Variants in EBF3 observed in about 807,000 individuals in gnomAD.
The protein encoded by EBF3 is transcription factor COE3.
In EBF3, 18 loss-of-function variants were observed where a neutral mutation model predicts 77.1. The ratio of observed to expected loss-of-function variants is 0.23; its 90% CI spans 0.16 to 0.35. EBF3 has a LOEUF of 0.35. EBF3 is among the 10% of genes least tolerant of loss of function. EBF3 has a pLI of 1.00. For missense variants in EBF3, 558 were observed against 860.0 expected, an observed-to-expected ratio of 0.65 and a Z score of 4.39; for synonymous variants, 350 against 343.5, an observed-to-expected ratio of 1.02 and a Z score of -0.21.
At position 129,947,929 on chromosome 10, in the gene EBF3, T is replaced by C. The variant is rs1482057080; in HGVS notation, c.554+9329A>G. Among the ~76,000 whole-genome samples, 1 of 151,974 alleles carries C rather than the reference T, an allele frequency of 6.6e-6. No homozygotes were observed. The highest frequency in any genetic ancestry group is 1.5e-5 in the Non-Finnish European group (1 of 68,022). On this transcript the variant is annotated intron_variant, in intron 6 of 16. Coordinates refer to ENST00000440978, the MANE Select transcript of EBF3 (RefSeq NM_001375380.1). The surrounding 1 kb of genome is among the most constrained non-coding windows in gnomAD (Gnocchi z 4.5). ...TGAGCTAAAAAGTCACAAGAAGACATGCAGGAAACTTAAATGCCTACTGCT... is the reference window on the plus strand; with the variant it reads ...TGAGCTAAAAAGTCACAAGAAGACACGCAGGAAACTTAAATGCCTACTGCT...
chr10:129,869,813 G>T (rs527510243), intron 8 of EBF3, among the ~76,000 whole-genome samples: 5 of 152,290 alleles, frequency 3.3e-5, no homozygotes, highest in African/African-American at 1.2e-4. Flanking sequence ...CCCTTAACTA[G>T]CGCTGTTGAC....
chr10:129,917,512 G>T (rs1855960010), intron 6 of EBF3, among the ~76,000 whole-genome samples: 1 of 151,752 alleles, frequency 6.6e-6, no homozygotes, highest in African/African-American at 2.4e-5. Context: ...AGACAAGAAA[G>T]CCAGACACAA....
At chr10:129,946,196 C>T (rs893346974) in intron 6 of EBF3, among the ~76,000 whole-genome samples, 1 of 152,224 alleles carries the variant, frequency 6.6e-6, no homozygotes, top group Non-Finnish European at 1.5e-5. Context: ...CCTGGCCTCG[C>T]GCGGACCCGC....
intron 6 of EBF3, among the ~76,000 whole-genome samples, chr10:129,911,544 G>A (rs1855524782): frequency 6.6e-6 from 1 of 152,112 alleles, no homozygotes; most frequent in African/African-American, 2.4e-5. Flanking sequence ...TTGGAATAGT[G>A]TCCAAAAGGC....
chr10:129,839,859 C>T (rs553753603), intron 15 of EBF3, among the ~76,000 whole-genome samples: 263 of 152,308 alleles, frequency 1.7e-3, no homozygotes, highest in African/African-American at 5.7e-3. Context: ...CAGCATCCTG[C>T]GCTGAGAAGT....
intron 6 of EBF3, among the ~76,000 whole-genome samples, chr10:129,925,274 A>C (rs1856592337): frequency 2.1e-5 from 3 of 146,000 alleles, no homozygotes; most frequent in Admixed American, 6.8e-5. Flanking sequence ...TGCAAGGAGA[A>C]TGGGGTGGGG....
intron 6 of EBF3, among the ~76,000 whole-genome samples, chr10:129,915,955 G>A (rs556255830): frequency 6.6e-6 from 1 of 152,090 alleles, no homozygotes; most frequent in Non-Finnish European, 1.5e-5. Flanking sequence ...GCTTCTAGTT[G>A]AGAAATCAGA....
At chr10:129,926,551 GA>G (rs1007748171) in intron 6 of EBF3, among the ~76,000 whole-genome samples, 1 of 150,580 alleles carries the variant, frequency 6.6e-6, no homozygotes, top group Non-Finnish European at 1.5e-5. Context: ...GCTCCACAGG[GA>G]AGCATCTCAG....
chr10:129,872,255 G>A (rs1852455573), intron 8 of EBF3, among the ~76,000 whole-genome samples: 1 of 152,162 alleles, frequency 6.6e-6, no homozygotes, highest in Non-Finnish European at 1.5e-5. Flanking sequence ...CGGTTGCTAA[G>A]CAAAACACAC....
At chr10:129,933,388 C>T (rs1248788863) in intron 6 of EBF3, among the ~76,000 whole-genome samples, 2 of 152,160 alleles carry the variant, frequency 1.3e-5, no homozygotes, top group East Asian at 3.9e-4. Flanking sequence ...GGACCAGTGC[C>T]GAATAGAAAC....
intron 6 of EBF3, among the ~76,000 whole-genome samples, chr10:129,895,298 A>T (rs1291078997): frequency 6.6e-6 from 1 of 152,188 alleles, no homozygotes; most frequent in Admixed American, 6.5e-5. Flanking sequence ...AAGTGGATGG[A>T]TGCCTCTCCC....
Position 129,867,839 on chromosome 10 carries a change from G to C in EBF3, c.855C>G (p.Gly285=). 1 of 1,614,232 alleles carries C rather than the reference G, an allele frequency of 6.2e-7. No homozygotes were observed. Among genetic ancestry groups the C allele is most frequent in the Non-Finnish European group, 8.5e-7 (1 of 1,180,038 alleles). ...TTGGATVIII[G]DNFFDGLQVV... ...CTTGCAGCCCGTCAAAGAAGTTGTCGCCAATTATGATGACGGTGGCACCCC... is the reference window on the plus strand; with the variant it reads ...CTTGCAGCCCGTCAAAGAAGTTGTCCCCAATTATGATGACGGTGGCACCCC... Residue 285 remains glycine (G), a synonymous_variant, in exon 9 of 17, where the codon GGC becomes GGG. Transcript: ENST00000440978.
rs760052658 is a variant in EBF3 at position 129,843,113 on chromosome 10, C to A, written c.1194+24G>T. The A allele has an allele frequency of 4.4e-6, 7 of 1,607,948 alleles. No individual in the cohort carries two copies. The East Asian group carries it at 1.6e-4, about 36-fold the overall frequency. ...GTTCTGGCATGGGGGGGAGGATGGG[C>A]GAGGGGAGCCGCCCTCCACCTACCT... On this transcript the variant is annotated intron_variant, in intron 12 of 16. Transcript: ENST00000440978.
chr10:129,906,696 C>T (rs144185380), intron 6 of EBF3, among the ~76,000 whole-genome samples: 38 of 152,238 alleles, frequency 2.5e-4, no homozygotes, highest in Non-Finnish European at 4.0e-4. Context: ...AAACGTCAGG[C>T]TAAACCTCAA....
At chr10:129,926,391 A>G (rs1856672240) in intron 6 of EBF3, among the ~76,000 whole-genome samples, 1 of 152,182 alleles carries the variant, frequency 6.6e-6, no homozygotes, top group Non-Finnish European at 1.5e-5. Flanking sequence ...GTGGGGGTGC[A>G]GGGAGAACAG....
At chr10:129,925,591 C>CAAAAAA in intron 6 of EBF3, among the ~76,000 whole-genome samples, 1 of 114,580 alleles carries the variant, frequency 8.7e-6, no homozygotes, top group African/African-American at 3.3e-5. Context: ...GACTCCATCT[C>CAAAAAA]AAAAAAAAAA....
Position 129,897,801 on chromosome 10 carries a change from C to G in EBF3, c.555-19952G>C, listed in dbSNP as rs544385658. Among the ~76,000 whole-genome samples, 1 of 152,172 alleles carries G rather than the reference C, an allele frequency of 6.6e-6. No individual in the cohort carries two copies. The highest frequency in any genetic ancestry group is 1.5e-5 in the Non-Finnish European group (1 of 68,026). On this transcript the variant is annotated intron_variant, in intron 6 of 16. Transcript: ENST00000440978. The surrounding 1 kb of genome is among the most constrained non-coding windows in gnomAD (Gnocchi z 4.6). ...TCTTACTTTCCTACATTTATCGTGA[C>G]GGGGCCACTTGTGGGTATGCGAGTA...
In EBF3 at chr10:129,919,919, G is replaced by C. The variant is rs1003149625; in HGVS notation, c.554+37339C>G. Among the ~76,000 whole-genome samples, 51 of 152,238 alleles carry C rather than the reference G, an allele frequency of 3.4e-4. 1 individual carries two copies. The highest frequency in any genetic ancestry group is 3.4e-3 in the Middle Eastern group (1 of 294). ...GAGATGCCGCTTAATCAATCAGACA[G>C]AACAGCACAAGAGAGAAAGCCGCCC... On this transcript the variant is annotated intron_variant, in intron 6 of 16. Coordinates refer to ENST00000440978, the MANE Select transcript of EBF3 (RefSeq NM_001375380.1).
chr10:129,849,293 A>G (rs1850692422), intron 10 of EBF3, among the ~76,000 whole-genome samples: 2 of 152,204 alleles, frequency 1.3e-5, no homozygotes, highest in South Asian at 4.1e-4. Flanking sequence ...TTAAGATGAA[A>G]ATACTTATTG....
Sources: allele counts gnomAD v4.1 joint callset (sites outside exome capture counted in the v4.1 genomes callset), GRCh38; gene constraint gnomAD v4.1.1; non-coding constraint Gnocchi (gnomAD v3.1); transcripts MANE v1.5; gene names NCBI Gene and HGNC (gene_info 2026-07-23, HGNC 2026-07-21).